Variants in MARCHF10 observed in about 807,000 individuals in gnomAD.
MARCHF10 encodes probable E3 ubiquitin-protein ligase MARCHF10.
In MARCHF10, 64 loss-of-function variants were observed where a neutral mutation model predicts 76.2. The ratio of observed to expected loss-of-function variants is 0.84; its 90% confidence interval spans 0.69 to 1.03. MARCHF10 has a LOEUF of 1.03. Ranked by LOEUF, MARCHF10 falls within the 50% of genes least tolerant of loss-of-function variation. The probability of loss-of-function intolerance (pLI) is 0.00; values close to 1 mark genes in which losing one functional copy is unlikely to be tolerated. For synonymous variants in MARCHF10, 340 were observed against 357.5 expected, an observed-to-expected ratio of 0.95 and a Z score of 0.55; for missense variants, 875 against 958.0, an observed-to-expected ratio of 0.91 and a Z score of 1.14.
chr17:62,735,887 C>T, intron 6 of MARCHF10, 44 bp downstream of exon 6: 1 of 1,560,156 alleles, frequency 6.4e-7, no homozygotes, highest in Non-Finnish European at 8.6e-7. Flanking sequence ...CTAATTTTGG[C>T]CTTGGGAAAG....
chr17:62,767,450 C>CCTTTTTTTTTTTT lies in MARCHF10; in HGVS notation c.211-7445_211-7444insAAAAAAAAAAAAG, dbSNP rs67106553. Reference sequence around the variant, plus strand: ...AGCTTTGAATTGGTGGGTCTGTATTCTTTTTTTTTTTTTTTTTTGAGATGG... The same window carrying CCTTTTTTTTTTTT: ...AGCTTTGAATTGGTGGGTCTGTATTCCTTTTTTTTTTTTTTTTTTTTTTTTTTTTTTGAGATGG... On this transcript the variant is annotated intron_variant, in intron 3 of 10. Transcript: ENST00000311269. Among the ~76,000 whole-genome samples, 11 of 134,790 alleles carry CCTTTTTTTTTTTT rather than the reference C, an allele frequency of 8.2e-5. 5 individuals carry two copies. The highest frequency in any genetic ancestry group is 5.5e-5 in the African/African-American group (2 of 36,638). 88.4% of individuals were successfully genotyped at this position (134,790 alleles called of 152,430 possible). A position where few individuals can be genotyped will look rare whatever the true frequency, so the allele number is the denominator to read the frequency against.
At chr17:62,801,232 T>C (rs1286003966) in intron 2 of MARCHF10, among the ~76,000 whole-genome samples, 5 of 152,090 alleles carry the variant, frequency 3.3e-5, no homozygotes, top group African/African-American at 7.2e-5. Context: ...GATCTCGGCT[T>C]ACTGCAACCT....
At chr17:62,740,081 T>TGTGCGCGC (rs1555696763) in intron 5 of MARCHF10, among the ~76,000 whole-genome samples, 9 of 83,510 alleles carry the variant, frequency 1.1e-4, no homozygotes, top group African/African-American at 2.9e-4. Flanking sequence ...TGTGTGTGTG[T>TGTGCGCGC]GCGTGTGTGT....
chr17:62,734,717 G>T (rs1350894490), intron 6 of MARCHF10, among the ~76,000 whole-genome samples: 1 of 152,112 alleles, frequency 6.6e-6, no homozygotes, highest in Non-Finnish European at 1.5e-5. Context: ...GAACAAATTT[G>T]AAATAATAAG....
chr17:62,704,802 A>C (rs760783353), intron 10 of MARCHF10: 2 of 458,924 alleles, frequency 4.4e-6, no homozygotes, highest in Non-Finnish European at 5.7e-6. Context: ...GGCAGTTGTG[A>C]AATTTTCCCC....
At chr17:62,767,030 G>A (rs1025529028) in intron 3 of MARCHF10, among the ~76,000 whole-genome samples, 1 of 152,132 alleles carries the variant, frequency 6.6e-6, no homozygotes, top group Admixed American at 6.5e-5. Context: ...TAGCACATGA[G>A]CCGCAGGATG....
intron 5 of MARCHF10, among the ~76,000 whole-genome samples, chr17:62,743,436 C>T (rs951516096): frequency 2.0e-5 from 3 of 152,114 alleles, no homozygotes; most frequent in Non-Finnish European, 2.9e-5. Flanking sequence ...TCACTTGAGG[C>T]CAGGAGTTTG....
Position 62,788,564 on chromosome 17 carries a change from T to C in MARCHF10, c.126A>G (p.Pro42=), listed in dbSNP as rs778837147. The change falls in exon 3 of 11, where the codon CCA becomes CCG. Residue 42 remains proline (P), a synonymous_variant. Coordinates refer to ENST00000311269, the MANE Select transcript of MARCHF10 (RefSeq NM_152598.4). ...AAAACTGATCGCGTTTCTTCTCATT[T>C]GGGTCTCTTCTATATTCCTGTCGTC... The part of the protein sequence containing the change: ...CLRRQEYRRD[P]NEKKRDQFWG... 1 of 1,614,168 alleles carries C rather than the reference T, an allele frequency of 6.2e-7. No individual in the cohort carries two copies. Among genetic ancestry groups the C allele is most frequent in the South Asian group, 1.1e-5 (1 of 91,082 alleles).
At chr17:62,801,512 C>G in intron 2 of MARCHF10, 134 bp downstream of exon 2, 5 of 426,262 alleles carry the variant, frequency 1.2e-5, no homozygotes, top group East Asian at 9.6e-5. Flanking sequence ...GTGGCTTTTG[C>G]TAGTTACATA....
intron 7 of MARCHF10, among the ~76,000 whole-genome samples, chr17:62,723,384 G>T (rs550313413): frequency 2.6e-5 from 4 of 151,620 alleles, no homozygotes; most frequent in African/African-American, 9.7e-5. Flanking sequence ...TTATGCATTA[G>T]AAAATAAAAG....
chr17:62,799,161 C>A (rs1490665221), intron 2 of MARCHF10, among the ~76,000 whole-genome samples: 1 of 152,152 alleles, frequency 6.6e-6, no homozygotes, highest in Admixed American at 6.5e-5. Flanking sequence ...GTGAGTCATC[C>A]TTCATTCTTT....
intron 2 of MARCHF10, among the ~76,000 whole-genome samples, chr17:62,791,433 T>C (rs1397952740): frequency 6.6e-6 from 1 of 152,224 alleles, no homozygotes; most frequent in Non-Finnish European, 1.5e-5. Flanking sequence ...AGAATTCTTG[T>C]GGGCTGAGTG....
intron 8 of MARCHF10, among the ~76,000 whole-genome samples, chr17:62,719,522 AG>A (rs1045767490): frequency 7.9e-5 from 12 of 151,940 alleles, no homozygotes; most frequent in Non-Finnish European, 1.2e-4. Flanking sequence ...ACTCCCCTTT[AG>A]GGAAGGTGTT....
intron 4 of MARCHF10, chr17:62,747,047 G>T: frequency 8.9e-7 from 1 of 1,125,936 alleles, no homozygotes; most frequent in Non-Finnish European, 1.3e-6. Context: ...TTCTAAAATT[G>T]CTTAATGAGT....
At chr17:62,804,109 G>A (rs760630268) in intron 1 of MARCHF10, among the ~76,000 whole-genome samples, 2 of 152,194 alleles carry the variant, frequency 1.3e-5, no homozygotes, top group Non-Finnish European at 2.9e-5. Context: ...TTATATGAAT[G>A]GACCAGGGGT....
Position 62,766,839 on chromosome 17 carries a change from GGAGA to G in MARCHF10, c.211-6837_211-6834del, listed in dbSNP as rs141138978. ...GAAGGATACAGAAATAAGCTGACAA[GGAGA>G]GAGATAAGATTAATGACTTACCAGC... On this transcript the variant is annotated intron_variant, in intron 3 of 10. Transcript: ENST00000311269. Among the ~76,000 whole-genome samples, 986 of 152,318 alleles carry G rather than the reference GGAGA, an allele frequency of 6.5e-3. 8 individuals are homozygous for G. Among genetic ancestry groups the G allele is most frequent in the African/African-American group, 0.022 (929 of 41,560 alleles).
At chr17:62,775,869 T>G (rs1427200202) in intron 3 of MARCHF10, among the ~76,000 whole-genome samples, 1 of 152,144 alleles carries the variant, frequency 6.6e-6, no homozygotes, top group Admixed American at 6.5e-5. Context: ...CAGGCTGAAA[T>G]GCAGTGGTGT....
At chr17:62,740,974 T>C (rs539789014) in intron 5 of MARCHF10, among the ~76,000 whole-genome samples, 13 of 152,180 alleles carry the variant, frequency 8.5e-5, no homozygotes, top group Non-Finnish European at 1.9e-4. Flanking sequence ...AGGTGGAACA[T>C]GTATATTGTA....
chr17:62,704,932 GT>G, intron 10 of MARCHF10: 1 of 981,866 alleles, frequency 1.0e-6, no homozygotes, highest in Non-Finnish European at 1.2e-6. Context: ...TATTAAGCAC[GT>G]TTTTCTCCAG....
Sources: allele counts gnomAD v4.1 joint callset (sites outside exome capture counted in the v4.1 genomes callset), GRCh38; gene constraint gnomAD v4.1.1; transcripts MANE v1.5; gene names NCBI Gene and HGNC (gene_info 2026-07-23, HGNC 2026-07-21).